Variants in STK3 observed in about 807,000 individuals in gnomAD.
STK3 encodes the protein serine/threonine-protein kinase 3.
Under a neutral mutation model 58.0 loss-of-function variants are expected in STK3, and 41 were observed. The observed-to-expected ratio is 0.71, with a 90% CI of 0.55 to 0.92. The LOEUF is 0.92. Ranked by LOEUF, STK3 falls within the 40% of genes least tolerant of loss-of-function variation. The pLI is 0.00. For synonymous variants in STK3, 170 were observed against 191.0 expected (o/e 0.89, Z 0.91); for missense variants, 479 against 602.7 (o/e 0.79, Z 2.15).
rs906615844 is a variant in STK3 at position 98,518,423 on chromosome 8, G to A, written c.1317+8319C>T. Among the ~76,000 whole-genome samples, 3 of 152,102 alleles carry A rather than the reference G, an allele frequency of 2.0e-5. No individual in the cohort carries two copies. The South Asian group carries it at 6.2e-4, about 32-fold the overall frequency. On this transcript the variant is annotated intron_variant, in intron 10 of 10. Coordinates refer to ENST00000419617, the MANE Select transcript of STK3 (RefSeq NM_006281.4). Reference sequence around the variant, plus strand: ...CGCTCATTCTACCTCAGATAGCCAAGTGGATTAAATTCTACTAAAGAAAAA... The same window carrying A: ...CGCTCATTCTACCTCAGATAGCCAAATGGATTAAATTCTACTAAAGAAAAA...
At chr8:98,403,098 C>A (rs1308770935) in intron 3 of STK3, among the ~76,000 whole-genome samples, 1 of 152,244 alleles carries the variant, frequency 6.6e-6, no homozygotes, top group Non-Finnish European at 1.5e-5. Context: ...GGGCAGTGGA[C>A]TCCTCCCCAC....
Position 98,381,980 on chromosome 8 carries a change from G to A in STK3, n.57-2773C>T, listed in dbSNP as rs573286555. On this transcript the variant is annotated intron_variant and non_coding_transcript_variant, in intron 1 of 2. Transcript: ENST00000518704. ...CATTAAAATATTATTTATCTTGAGT[G>A]TTGAGTTTTTTGTCACCTCCCCCCA... Among the ~76,000 whole-genome samples, 5 of 152,314 alleles carry A rather than the reference G, an allele frequency of 3.3e-5. No homozygotes were observed. The South Asian group carries it at 1.0e-3, about 32-fold the overall frequency.
intron 6 of STK3, among the ~76,000 whole-genome samples, chr8:98,646,039 A>T (rs1820374181): frequency 6.6e-6 from 1 of 152,174 alleles, no homozygotes; most frequent in Non-Finnish European, 1.5e-5. Context: ...CTTTAAGTCT[A>T]CCCTAAACTG....
intron 6 of STK3, among the ~76,000 whole-genome samples, chr8:98,670,583 C>G (rs1436379799): frequency 3.9e-5 from 6 of 152,146 alleles, no homozygotes; most frequent in Admixed American, 3.3e-4. Context: ...CAAAAACAGC[C>G]TGAAACCCAT....
At chr8:98,704,497 C>T (rs1379386501) in intron 6 of STK3, among the ~76,000 whole-genome samples, 3 of 151,278 alleles carry the variant, frequency 2.0e-5, no homozygotes, top group Non-Finnish European at 2.9e-5. Context: ...TGGGCGATAG[C>T]TGTCAAGAAT....
intron 1 of STK3, among the ~76,000 whole-genome samples, chr8:98,821,232 ATTG>A (rs763027373): frequency 2.6e-5 from 4 of 152,114 alleles, no homozygotes; most frequent in Non-Finnish European, 5.9e-5. Context: ...TGCGAACCCT[ATTG>A]TGCTGTGCAT....
chr8:98,822,938 G>A (rs998450823), intron 1 of STK3, among the ~76,000 whole-genome samples: 12 of 152,234 alleles, frequency 7.9e-5, no homozygotes, highest in Non-Finnish European at 1.6e-4. Flanking sequence ...TGAGGGACGA[G>A]AATCGCTTGA....
downstream of STK3, among the ~76,000 whole-genome samples, chr8:98,370,088 A>ATTT (rs5893462): frequency 7.8e-6 from 1 of 127,644 alleles, no homozygotes. Context: ...TGGGATTTTG[A>ATTT]TTTTTTTTTT....
intron 7 of STK3, among the ~76,000 whole-genome samples, chr8:98,586,581 G>C (rs868533269): frequency 1.3e-5 from 2 of 149,760 alleles, no homozygotes; most frequent in African/African-American, 2.5e-5. Context: ...GTCTCTGCCC[G>C]GCTTTGGTAT....
At chr8:98,664,045 T>G (rs1822160006) in intron 6 of STK3, among the ~76,000 whole-genome samples, 1 of 152,122 alleles carries the variant, frequency 6.6e-6, no homozygotes, top group Non-Finnish European at 1.5e-5. Context: ...TATTATGACA[T>G]ATCCAAGTCC....
the STK3 span, among the ~76,000 whole-genome samples, chr8:98,355,743 A>G: frequency 6.6e-6 from 1 of 152,238 alleles, no homozygotes; most frequent in Non-Finnish European, 1.5e-5. Flanking sequence ...ACCACCAGAT[A>G]TTGTAGGTAG....
chr8:98,468,082 T>C (rs963767902), intron 10 of STK3, among the ~76,000 whole-genome samples: 5 of 152,102 alleles, frequency 3.3e-5, no homozygotes, highest in Non-Finnish European at 5.9e-5. Context: ...TAAACAAGAG[T>C]CTCATATTTT....
intron 10 of STK3, among the ~76,000 whole-genome samples, chr8:98,497,063 C>A (rs1176657226): frequency 6.6e-6 from 1 of 152,040 alleles, no homozygotes; most frequent in Non-Finnish European, 1.5e-5. Flanking sequence ...TACGGAGCTA[C>A]AGCAATCAAG....
At chr8:98,839,469 CA>C (rs900572441) in intron 3 of STK3, among the ~76,000 whole-genome samples, 6 of 152,152 alleles carry the variant, frequency 3.9e-5, no homozygotes, top group African/African-American at 1.4e-4. Flanking sequence ...TTGTTCCTTT[CA>C]AACATTCTTT....
At chr8:98,753,386 C>T (rs547115379) in intron 3 of STK3, among the ~76,000 whole-genome samples, 53 of 152,272 alleles carry the variant, frequency 3.5e-4, no homozygotes, top group Non-Finnish European at 7.1e-4. Flanking sequence ...AAACCAAATA[C>T]TGCATGTTCT....
At chr8:98,461,682 G>C (rs1329459643) in intron 10 of STK3, among the ~76,000 whole-genome samples, 1 of 152,098 alleles carries the variant, frequency 6.6e-6, no homozygotes, top group Non-Finnish European at 1.5e-5. Context: ...TGCTCTGGTA[G>C]TGACAAATTC....
At chr8:98,462,721 T>C (rs748161542) in intron 10 of STK3, among the ~76,000 whole-genome samples, 10 of 152,350 alleles carry the variant, frequency 6.6e-5, no homozygotes, top group Admixed American at 2.0e-4. Context: ...ACATCTTGAA[T>C]AGTTTTTCAA....
At chr8:98,721,758 T>C (rs1043597879) in intron 4 of STK3, among the ~76,000 whole-genome samples, 1 of 151,992 alleles carries the variant, frequency 6.6e-6, no homozygotes, top group Non-Finnish European at 1.5e-5. Context: ...GTACCAAATA[T>C]AAAATTACCC....
At chr8:98,549,401 A>G (rs536379363) in intron 8 of STK3, among the ~76,000 whole-genome samples, 1 of 152,268 alleles carries the variant, frequency 6.6e-6, no homozygotes, top group African/African-American at 2.4e-5. Context: ...CCATTTGTAT[A>G]TCTTCTTTGG....
Sources: gnomAD v4.1 joint callset for allele counts (sites outside exome capture counted in the v4.1 genomes callset) on GRCh38, gnomAD v4.1.1 for gene constraint, MANE v1.5 for transcripts, NCBI Gene and HGNC (gene_info 2026-07-23, HGNC 2026-07-21) for gene names.